The following PNISR variants were observed in gnomAD, a reference collection of about 807,000 sequenced individuals.
PNISR encodes PNN interacting serine and arginine rich protein.
In PNISR, 20 loss-of-function variants were observed where a neutral mutation model predicts 93.4. The ratio of observed to expected loss-of-function variants is 0.21; its 90% CI spans 0.15 to 0.31. The LOEUF (loss-of-function observed/expected upper bound fraction) is 0.31, where lower values mean the gene tolerates loss of function less well. Ranked by LOEUF, PNISR falls within the 10% of genes least tolerant of loss-of-function variation. The probability of loss-of-function intolerance (pLI) is 1.00; values close to 1 mark genes in which losing one functional copy is unlikely to be tolerated. For missense variants in PNISR, 893 were observed against 985.4 expected, an observed-to-expected ratio of 0.91 and a Z score of 1.25; for synonymous variants, 305 against 306.5, an observed-to-expected ratio of 0.99 and a Z score of 0.05.
chr6:99,410,317 AAC>A (rs1776748616), intron 5 of PNISR: 1 of 161,194 alleles, frequency 6.2e-6, no homozygotes, highest in Admixed American at 6.0e-5. Context: ...ACACTAGAAA[AAC>A]AGTCATAATT....
At chr6:99,406,213 G>GT (rs749364384) in intron 7 of PNISR, 45 bp from the exon 8 acceptor site, 6 of 1,329,064 alleles carry the variant, frequency 4.5e-6, no homozygotes, top group Non-Finnish European at 6.3e-6. Context: ...TGTGTATAAT[G>GT]TAAAATCCTT....
chr6:99,416,326 C>T (rs778818467), intron 2 of PNISR, 23 bp downstream of exon 2: 19 of 787,552 alleles, frequency 2.4e-5, no homozygotes, highest in Non-Finnish European at 3.3e-5. Context: ...CAAGAAGACA[C>T]ACCAACTGCT....
At chr6:99,414,391 A>G (rs540376699) in intron 3 of PNISR, among the ~76,000 whole-genome samples, 181 bp downstream of exon 3, 2 of 152,218 alleles carry the variant, frequency 1.3e-5, no homozygotes, top group Non-Finnish European at 2.9e-5. Flanking sequence ...GAGTCTTCCA[A>G]AGGGAAGTCC....
chr6:99,413,978 T>G (rs1777328642), intron 3 of PNISR, among the ~76,000 whole-genome samples: 1 of 152,164 alleles, frequency 6.6e-6, no homozygotes, highest in Non-Finnish European at 1.5e-5. Context: ...CACCCAAAAG[T>G]GGCTTTGTTA....
intron 4 of PNISR, 77 bp downstream of exon 4, chr6:99,412,474 G>T: frequency 2.0e-6 from 2 of 1,017,758 alleles, no homozygotes; most frequent in Middle Eastern, 2.1e-4. Context: ...ATACAACTAA[G>T]CAAATTAAAA....
intron 1 of PNISR, among the ~76,000 whole-genome samples, chr6:99,423,936 C>G (rs1330358052): frequency 6.6e-6 from 1 of 152,170 alleles, no homozygotes; most frequent in Non-Finnish European, 1.5e-5. Flanking sequence ...ATCCTACTCT[C>G]TTCTTATAAG....
chr6:99,412,720 T>C lies in PNISR; in HGVS notation c.108A>G (p.Ala36=), dbSNP rs752011626. Residue 36 remains alanine, a synonymous_variant, in exon 4 of 12, where the codon GCA becomes GCG. Transcript: ENST00000369239. ...TTTGGGCAATCCAAGCTTGGGCCAA[T>C]GCAGCCCAATCAATCTGGCCTAACG... The part of the protein sequence containing the change: ...QQDPSQIDWA[A]LAQAWIAQRE... 24 of 1,586,034 alleles carry C rather than the reference T, an allele frequency of 1.5e-5. No homozygotes were observed. The highest frequency in any genetic ancestry group is 1.7e-5 in the Non-Finnish European group (20 of 1,171,020).
At chr6:99,407,982 C>A in intron 7 of PNISR, 99 bp downstream of exon 7, 1 of 788,784 alleles carries the variant, frequency 1.3e-6, no homozygotes, top group Non-Finnish European at 2.0e-6. Context: ...TTAGGAACAT[C>A]ACTCTAATAC....
In PNISR at chr6:99,408,245, C is replaced by A; in HGVS notation, c.700G>T (p.Ala234Ser). ...IDAVKRRTLP[A>S]WIREGLEKME... ...TTTTCAAGACCTTCGCGAATCCAAG[C>A]GGGAAGAGTCCTGCGTTTTACTGCG... The change falls in exon 7 of 12, where the codon GCT (alanine) becomes TCT (serine). Residue 234 changes from alanine to serine, a missense_variant. Transcript: ENST00000369239. 1 of 1,612,470 alleles carries A rather than the reference C, an allele frequency of 6.2e-7. No homozygotes were observed. Among genetic ancestry groups the A allele is most frequent in the Non-Finnish European group, 8.5e-7 (1 of 1,179,174 alleles).
chr6:99,406,154 T>G lies in PNISR; in HGVS notation c.879A>C (p.Glu293Asp), dbSNP rs1582783191. Residue 293 changes from glutamate to aspartate, a missense_variant, in exon 8 of 12, where the codon GAA (glutamate) becomes GAC (aspartate). Glu to Asp is a conservative substitution (Grantham distance 45, BLOSUM62 2). Around this residue, in one of 3 missense-constraint regions of PNISR, gnomAD observed 866 missense variants for 935.1 expected, o/e 0.93. Coordinates refer to ENST00000369239, the MANE Select transcript of PNISR (RefSeq NM_032870.4). ...PQRSKFDSDEEEEDTENVEAA... is the reference protein window; with the variant it reads ...PQRSKFDSDEDEEDTENVEAA... Reference sequence around the variant, plus strand: ...CCTCAACATTTTCAGTGTCTTCTTCTTCCTCATCACTATCCTATAAAAAAC... The same window carrying G: ...CCTCAACATTTTCAGTGTCTTCTTCGTCCTCATCACTATCCTATAAAAAAC... 1.9e-6 allele frequency: 3 copies of G among 1,608,894 alleles called. No individual in the cohort carries two copies. The East Asian group carries it at 6.7e-5, about 36-fold the overall frequency.
chr6:99,402,408 C>G (rs1775616658), intron 11 of PNISR, 132 bp downstream of exon 11: 1 of 655,962 alleles, frequency 1.5e-6, no homozygotes, highest in Admixed American at 3.6e-5. Flanking sequence ...AAAATTGTGA[C>G]TTTAGTTTCA....
chr6:99,402,046 A>C (rs1775573890), intron 11 of PNISR, among the ~76,000 whole-genome samples: 1 of 152,178 alleles, frequency 6.6e-6, no homozygotes, highest in Non-Finnish European at 1.5e-5. Flanking sequence ...GTAGGAAAAG[A>C]CTTCCCTTTT....
chr6:99,423,165 G>C (rs796803374), intron 1 of PNISR, among the ~76,000 whole-genome samples: 9 of 152,034 alleles, frequency 5.9e-5, no homozygotes, highest in African/African-American at 2.2e-4. Context: ...AAAATTGATA[G>C]GAACATGTCA....
chr6:99,400,665 G>T lies in PNISR; in HGVS notation c.2293C>A (p.Pro765Thr). The change falls in exon 12 of 12, where the codon CCA becomes ACA. Residue 765 changes from proline (P) to threonine (T), a missense_variant. Physicochemically the swap from Pro to Thr is conservative, Grantham distance 38. This residue lies in a region of PNISR where 866 missense variants were observed against 935.1 expected (regional missense o/e 0.93). Coordinates refer to ENST00000369239, the MANE Select transcript of PNISR (RefSeq NM_032870.4). ...GCCTTCTTTTCTTTGCTACTTCCTG[G>T]AGACTCAGAACTGCTCCTTCCACTA... is the stretch of plus-strand genomic sequence containing the variant. Reference protein sequence around the residue: ...DSSGRSSSESPGSSKEKKAKK... With the variant: ...DSSGRSSSESTGSSKEKKAKK... 6.2e-7 allele frequency: 1 copy of T among 1,613,922 alleles called. No individual in the cohort carries two copies. The highest frequency in any genetic ancestry group is 8.5e-7 in the Non-Finnish European group (1 of 1,179,934).
intron 6 of PNISR, among the ~76,000 whole-genome samples, 194 bp from the exon 7 acceptor site, chr6:99,408,465 A>G (rs1135676): frequency 0.45 from 68,415 of 151,932 alleles, 16,113 homozygotes; most frequent in Middle Eastern, 0.63. Context: ...ACCATCATCT[A>G]ATTTAATCCT....
chr6:99,400,718 T>A lies in PNISR; in HGVS notation c.2240A>T (p.Asp747Val), dbSNP rs1257426164. ...RQDSKKSTTK[D>V]SKKHSGSDSS... ...ATCAGAGCCTGAATGTTTTTTACTA[T>A]CTTTGGTAGTACTTTTCTTACTATC... The change falls in exon 12 of 12, where the codon GAT becomes GTT. Residue 747 changes from aspartate (D) to valine (V), a missense_variant. This residue lies in a region of PNISR where 866 missense variants were observed against 935.1 expected (regional missense o/e 0.93). Transcript: ENST00000369239. 1.2e-6 allele frequency: 2 copies of A among 1,612,764 alleles called. No individual in the cohort carries two copies. The highest frequency in any genetic ancestry group is 1.7e-5 in the Admixed American group (1 of 59,776).
intron 2 of PNISR, chr6:99,415,316 G>C (rs996967129): frequency 6.6e-6 from 1 of 151,986 alleles, no homozygotes; most frequent in African/African-American, 2.4e-5. Context: ...CTGAGCTTTT[G>C]GATTTTACTT....
chr6:99,404,830 T>TG, intron 8 of PNISR, 128 bp from the exon 9 acceptor site: 11 of 572,896 alleles, frequency 1.9e-5, no homozygotes, highest in Non-Finnish European at 3.4e-5. Flanking sequence ...CCAGGCTGGA[T>TG]CATACTGGCG....
At chr6:99,406,490 A>G (rs190802992) in intron 7 of PNISR, among the ~76,000 whole-genome samples, 1 of 152,294 alleles carries the variant, frequency 6.6e-6, no homozygotes, top group Non-Finnish European at 1.5e-5. Flanking sequence ...TATCTATTAC[A>G]TATAATGGGC....
Sources: gnomAD v4.1 joint callset for allele counts (sites outside exome capture counted in the v4.1 genomes callset) on GRCh38, gnomAD v4.1.1 for gene constraint, gnomAD v4.1.1 regional missense constraint, MANE v1.5 for transcripts, NCBI Gene and HGNC (gene_info 2026-07-23, HGNC 2026-07-21) for gene names.